Variants in DLG2 observed in about 807,000 individuals in gnomAD.
DLG2 encodes disks large homolog 2.
Under a neutral mutation model 132.5 loss-of-function variants are expected in DLG2, and 45 were observed. The observed-to-expected ratio is 0.34, with a 90% CI of 0.27 to 0.44. The LOEUF (loss-of-function observed/expected upper bound fraction) is 0.44. DLG2 is among the 20% of genes least tolerant of loss of function. The probability of loss-of-function intolerance (pLI) is 1.00; values close to 1 mark genes in which losing one functional copy is unlikely to be tolerated. For missense variants in DLG2, 1,045 were observed against 1,196.9 expected (o/e 0.87, Z 1.87); for synonymous variants, 424 against 419.6 (o/e 1.01, Z -0.13).
chr11:83,535,572 C>T (rs1037243913), intron 20 of DLG2, among the ~76,000 whole-genome samples: 1 of 151,842 alleles, frequency 6.6e-6, no homozygotes, highest in African/African-American at 2.4e-5. Context: ...TTAAGTCAGC[C>T]AGACACACAC....
intron 21 of DLG2, among the ~76,000 whole-genome samples, chr11:83,514,793 G>GCT (rs2095224822): frequency 1.3e-5 from 2 of 152,074 alleles, no homozygotes; most frequent in Non-Finnish European, 2.9e-5. Flanking sequence ...ACAATCATGT[G>GCT]GTTTTTGTCA....
intron 10 of DLG2, among the ~76,000 whole-genome samples, chr11:84,085,531 T>C (rs2096964573): frequency 1.3e-5 from 2 of 152,176 alleles, no homozygotes; most frequent in African/African-American, 4.8e-5. Context: ...CTTCTCAGGC[T>C]GTCAACAAAT....
At chr11:83,805,770 G>T (rs1330304882) in intron 17 of DLG2, among the ~76,000 whole-genome samples, 6 of 152,110 alleles carry the variant, frequency 3.9e-5, no homozygotes, top group Non-Finnish European at 1.5e-5. Context: ...TCACAATGCA[G>T]CTTTTACCAC....
intron 7 of DLG2, among the ~76,000 whole-genome samples, chr11:84,329,488 C>A (rs1232680715): frequency 6.6e-6 from 1 of 152,172 alleles, no homozygotes; most frequent in African/African-American, 2.4e-5. Flanking sequence ...CTTTGCTTAG[C>A]ATTCCTCTCT....
chr11:85,306,724 C>G (rs1019717076), intron 3 of DLG2, among the ~76,000 whole-genome samples: 2 of 152,166 alleles, frequency 1.3e-5, no homozygotes, highest in Non-Finnish European at 2.9e-5. Flanking sequence ...CAGCGCCCAC[C>G]ACCACGCCCG....
intron 22 of DLG2, among the ~76,000 whole-genome samples, chr11:83,477,069 C>T (rs1328313776): frequency 1.3e-5 from 2 of 152,030 alleles, no homozygotes; most frequent in African/African-American, 4.8e-5. Context: ...TTTGAAAATC[C>T]TACTTAACTG....
intron 18 of DLG2, among the ~76,000 whole-genome samples, chr11:83,649,991 A>T (rs2069605841): frequency 6.6e-6 from 1 of 152,228 alleles, no homozygotes; most frequent in South Asian, 2.1e-4. Flanking sequence ...TTGCTAGAGA[A>T]TACATTATTT....
chr11:84,115,996 C>T (rs931211008), intron 9 of DLG2, among the ~76,000 whole-genome samples: 3 of 152,096 alleles, frequency 2.0e-5, no homozygotes, highest in Admixed American at 6.6e-5. Context: ...CAGTAAGAAG[C>T]GGTAATAGAG....
At chr11:84,712,452 G>A (rs1377663218) in intron 6 of DLG2, among the ~76,000 whole-genome samples, 1 of 151,918 alleles carries the variant, frequency 6.6e-6, no homozygotes, top group East Asian at 1.9e-4. Context: ...TTCTGGGTCA[G>A]GTATAATCTA....
intron 7 of DLG2, among the ~76,000 whole-genome samples, chr11:84,445,071 C>G (rs1456489674): frequency 6.6e-6 from 1 of 152,128 alleles, no homozygotes; most frequent in African/African-American, 2.4e-5. Flanking sequence ...CTCGGCTTCC[C>G]AAAGTACTGG....
chr11:84,144,799 A>G (rs1385108793), intron 9 of DLG2, among the ~76,000 whole-genome samples: 3 of 151,770 alleles, frequency 2.0e-5, no homozygotes, highest in Admixed American at 2.0e-4. Context: ...GTAGTTGGGA[A>G]AGCACTAGGA....
At chr11:85,073,091 T>C (rs538381080) in intron 6 of DLG2, among the ~76,000 whole-genome samples, 1 of 151,904 alleles carries the variant, frequency 6.6e-6, no homozygotes, top group Non-Finnish European at 1.5e-5. Flanking sequence ...CATTTTATCA[T>C]ATTAAACATA....
chr11:83,789,647 A>G (rs1467606928), intron 17 of DLG2, among the ~76,000 whole-genome samples: 1 of 151,806 alleles, frequency 6.6e-6, no homozygotes, highest in East Asian at 1.9e-4. Flanking sequence ...TCCTGGGTTC[A>G]AGCAATTCTC....
intron 7 of DLG2, among the ~76,000 whole-genome samples, chr11:84,330,999 A>G (rs1455111079): frequency 1.3e-5 from 2 of 152,206 alleles, no homozygotes; most frequent in Non-Finnish European, 2.9e-5. Flanking sequence ...AGGACTGATC[A>G]CGATTTTGAG....
chr11:84,732,390 T>C (rs2063265038), intron 6 of DLG2, among the ~76,000 whole-genome samples: 1 of 152,036 alleles, frequency 6.6e-6, no homozygotes, highest in Admixed American at 6.6e-5. Flanking sequence ...CAGCAATGTA[T>C]GAGAATTCTA....
intron 4 of DLG2, among the ~76,000 whole-genome samples, chr11:85,164,790 G>A (rs2078307913): frequency 1.3e-5 from 2 of 152,168 alleles, no homozygotes; most frequent in Non-Finnish European, 2.9e-5. Context: ...GTAGGCTTAT[G>A]ATCTTTATTT....
intron 26 of DLG2, among the ~76,000 whole-genome samples, chr11:83,463,724 A>G (rs1295380623): frequency 1.3e-5 from 2 of 152,196 alleles, no homozygotes; most frequent in Non-Finnish European, 2.9e-5. Context: ...CCACGAGGTC[A>G]TGACTGCAGT....
At chr11:85,317,861 A>G (rs966180501) in intron 3 of DLG2, among the ~76,000 whole-genome samples, 28 of 151,802 alleles carry the variant, frequency 1.8e-4, no homozygotes, top group African/African-American at 6.8e-4. Context: ...CCCATGACAC[A>G]ATTTTACCTA....
intron 6 of DLG2, among the ~76,000 whole-genome samples, chr11:84,553,443 G>T (rs1020832386): frequency 6.6e-6 from 1 of 152,196 alleles, no homozygotes; most frequent in African/African-American, 2.4e-5. Flanking sequence ...TTTAAAAAGT[G>T]CATGTTAGAA....
Sources: allele counts gnomAD v4.1 joint callset (sites outside exome capture counted in the v4.1 genomes callset), GRCh38; gene constraint gnomAD v4.1.1; transcripts MANE v1.5; gene names NCBI Gene and HGNC (gene_info 2026-07-23, HGNC 2026-07-21).